Variants in GRIK2 observed in about 807,000 individuals in gnomAD.
The protein encoded by GRIK2 is glutamate ionotropic receptor kainate type subunit 2.
GRIK2 carries 32 observed loss-of-function variants against 100.3 expected under a neutral mutation model. The observed-to-expected ratio is 0.32, with a 90% CI of 0.24 to 0.43. GRIK2 has a LOEUF of 0.43. Ranked by LOEUF, GRIK2 falls within the 20% of genes least tolerant of loss-of-function variation. The pLI is 1.00. For synonymous variants in GRIK2, 417 were observed against 389.4 expected, an observed-to-expected ratio of 1.07 and a Z score of -0.83; for missense variants, 843 against 1,114.9, an observed-to-expected ratio of 0.76 and a Z score of 3.47.
intron 2 of GRIK2, among the ~76,000 whole-genome samples, chr6:101,576,830 T>C (rs2128301227): frequency 6.6e-6 from 1 of 152,166 alleles, no homozygotes; most frequent in Non-Finnish European, 1.5e-5. Context: ...ATGTACACTT[T>C]TATCTAAGTG....
At chr6:102,012,846 T>C (rs188544451) in intron 14 of GRIK2, among the ~76,000 whole-genome samples, 2 of 152,328 alleles carry the variant, frequency 1.3e-5, no homozygotes, top group East Asian at 3.9e-4. Context: ...AGCCTTGTAG[T>C]ATAGTTTGAA....
chr6:101,497,621 T>G (rs547410090), intron 2 of GRIK2, among the ~76,000 whole-genome samples: 1 of 152,280 alleles, frequency 6.6e-6, no homozygotes, highest in South Asian at 2.1e-4. Flanking sequence ...GCTTATTGTT[T>G]TTGTTTATAT....
intron 14 of GRIK2, among the ~76,000 whole-genome samples, chr6:102,005,506 T>C (rs2114283296): frequency 6.6e-6 from 1 of 152,196 alleles, no homozygotes; most frequent in East Asian, 1.9e-4. Flanking sequence ...CTCAGTCTTA[T>C]GCATAACCCT....
At chr6:101,581,469 T>G (rs1778095164) in intron 2 of GRIK2, among the ~76,000 whole-genome samples, 1 of 152,078 alleles carries the variant, frequency 6.6e-6, no homozygotes, top group African/African-American at 2.4e-5. Context: ...ACATCCAGCA[T>G]GGGAGAAAGA....
At chr6:101,400,936 T>C (rs544345233) in intron 2 of GRIK2, among the ~76,000 whole-genome samples, 1 of 152,346 alleles carries the variant, frequency 6.6e-6, no homozygotes, top group South Asian at 2.1e-4. Context: ...GAATGATTGT[T>C]TCTGTGGACA....
chr6:101,399,336 T>G lies in GRIK2; in HGVS notation c.59T>G (p.Leu20Arg), dbSNP rs2128235255. The change falls in exon 2 of 17, where the codon CTG becomes CGG. Residue 20 changes from leucine (L) to arginine (R), a missense_variant. Coordinates refer to ENST00000369134, the MANE Select transcript of GRIK2 (RefSeq NM_021956.5). ...GTCTTCAGGCGCACCGTTAAACTCC[T>G]GCTCTGTTTACTGTGGATTGGATAT... ...NPVFRRTVKL[L>R]LCLLWIGYSQ... 1 of 1,598,124 alleles carries G rather than the reference T, an allele frequency of 6.3e-7. No homozygotes were observed. The highest frequency in any genetic ancestry group is 1.7e-5 in the Admixed American group (1 of 59,974).
At chr6:101,869,125 A>G (rs1785231336) in intron 11 of GRIK2, among the ~76,000 whole-genome samples, 1 of 151,936 alleles carries the variant, frequency 6.6e-6, no homozygotes, top group Non-Finnish European at 1.5e-5. Flanking sequence ...TGAAGCACGT[A>G]TTCTACCTGA....
intron 7 of GRIK2, among the ~76,000 whole-genome samples, chr6:101,715,838 C>T (rs1053978554): frequency 2.0e-5 from 3 of 151,770 alleles, no homozygotes; most frequent in East Asian, 3.9e-4. Context: ...AAACCTGCTT[C>T]GTATTCTAAA....
intron 14 of GRIK2, among the ~76,000 whole-genome samples, chr6:101,963,677 A>G (rs1297151968): frequency 1.3e-5 from 2 of 151,776 alleles, no homozygotes; most frequent in Non-Finnish European, 2.9e-5. Flanking sequence ...TATAGAAACA[A>G]TCCTAGAAAG....
intron 7 of GRIK2, chr6:101,744,554 A>ATACACACATATATATATATATACGTG (rs1562351817): frequency 3.5e-5 from 4 of 114,810 alleles, no homozygotes; most frequent in African/African-American, 7.1e-5. Flanking sequence ...ATATATATAT[A>ATACACACATATATATATATATACGTG]TATATCACAA....
chr6:101,687,597 A>C (rs1280788126), intron 7 of GRIK2, among the ~76,000 whole-genome samples: 1 of 151,898 alleles, frequency 6.6e-6, no homozygotes, highest in Non-Finnish European at 1.5e-5. Context: ...ATACAAATTG[A>C]GTGCCTTCAT....
chr6:101,870,234 T>G (rs1785319580), intron 11 of GRIK2, among the ~76,000 whole-genome samples: 1 of 151,866 alleles, frequency 6.6e-6, no homozygotes, highest in African/African-American at 2.4e-5. Context: ...ACATACATCA[T>G]TAAGGTCCTT....
At chr6:101,518,114 G>A (rs1774680765) in intron 2 of GRIK2, among the ~76,000 whole-genome samples, 1 of 151,974 alleles carries the variant, frequency 6.6e-6, no homozygotes, top group Non-Finnish European at 1.5e-5. Context: ...GTGTTTTTGA[G>A]TTATTAAAAT....
intron 2 of GRIK2, among the ~76,000 whole-genome samples, chr6:101,473,600 C>CT (rs2128257335): frequency 6.6e-6 from 1 of 151,792 alleles, no homozygotes; most frequent in Non-Finnish European, 1.5e-5. Context: ...ATGACTAATT[C>CT]TTATATATTA....
chr6:101,674,682 TA>T (rs1770697468), intron 4 of GRIK2, among the ~76,000 whole-genome samples: 1 of 152,184 alleles, frequency 6.6e-6, no homozygotes, highest in Admixed American at 6.5e-5. Flanking sequence ...TATCAATTTT[TA>T]TGTAGTATTT....
intron 4 of GRIK2, among the ~76,000 whole-genome samples, chr6:101,628,555 T>G (rs112272265): frequency 6.6e-6 from 1 of 152,216 alleles, no homozygotes; most frequent in East Asian, 1.9e-4. Context: ...TCAGGTTCTA[T>G]ATGAATGATT....
chr6:101,943,001 A>G (rs1481814167), intron 14 of GRIK2, among the ~76,000 whole-genome samples: 1 of 152,224 alleles, frequency 6.6e-6, no homozygotes, highest in East Asian at 1.9e-4. Flanking sequence ...CTCCCTTCGC[A>G]GGCCTAGAGG....
At chr6:101,550,957 A>C (rs959361695) in intron 2 of GRIK2, among the ~76,000 whole-genome samples, 1 of 152,140 alleles carries the variant, frequency 6.6e-6, no homozygotes, top group African/African-American at 2.4e-5. Flanking sequence ...AAGTCTTATT[A>C]TTTGGAGAAT....
intron 10 of GRIK2, among the ~76,000 whole-genome samples, chr6:101,853,307 A>G (rs1365449662): frequency 2.0e-5 from 3 of 152,222 alleles, no homozygotes; most frequent in African/African-American, 7.2e-5. Flanking sequence ...AATAGTCCCA[A>G]TAAGACTGCA....
Sources: gnomAD v4.1 joint callset for allele counts (sites outside exome capture counted in the v4.1 genomes callset) on GRCh38, gnomAD v4.1.1 for gene constraint, MANE v1.5 for transcripts, NCBI Gene and HGNC (gene_info 2026-07-23, HGNC 2026-07-21) for gene names.